GABRB1: variants seen among roughly 807,000 people sequenced by gnomAD.
GABRB1 encodes the protein gamma-aminobutyric acid type A receptor subunit beta1, also known as gamma-aminobutyric acid receptor subunit beta-1.
GABRB1 carries 17 observed loss-of-function variants against 51.6 expected under a neutral mutation model. The observed-to-expected ratio is 0.33, with a 90% confidence interval of 0.23 to 0.49. GABRB1 has a LOEUF of 0.49. Ranked by LOEUF, GABRB1 falls within the 20% of genes least tolerant of loss-of-function variation. The pLI, the probability that GABRB1 is intolerant of heterozygous loss-of-function variation, is 0.99. For synonymous variants in GABRB1, 247 were observed against 218.9 expected (o/e 1.13, Z -1.14); for missense variants, 410 against 600.6 (o/e 0.68, Z 3.32).
chr4:47,054,398 A>G lies in GABRB1; in HGVS notation c.240+21914A>G, dbSNP rs1467585498. On this transcript the variant is annotated intron_variant, in intron 3 of 8. Transcript: ENST00000295454. The stretch of plus-strand genomic sequence containing the variant: ...TTCTAAAAGTCACTTGAACTCTCTT[A>G]GACTCACTTCTTTTTTTCATGTAAT... Among the ~76,000 whole-genome samples the G allele has an allele frequency of 2.6e-5, 4 of 152,144 alleles. No homozygotes were observed. The East Asian group carries it at 7.7e-4, about 29-fold the overall frequency.
intron 5 of GABRB1, among the ~76,000 whole-genome samples, chr4:47,334,078 C>T (rs1230824381): frequency 3.9e-5 from 6 of 152,122 alleles, no homozygotes; most frequent in Non-Finnish European, 8.8e-5. Flanking sequence ...CAGTGCTTGT[C>T]GAACATTCAG....
At chr4:47,140,111 C>T (rs1320576659) in intron 3 of GABRB1, among the ~76,000 whole-genome samples, 2 of 149,980 alleles carry the variant, frequency 1.3e-5, no homozygotes, top group Non-Finnish European at 3.0e-5. Flanking sequence ...CACACACACA[C>T]ACACACACAC....
intron 3 of GABRB1, among the ~76,000 whole-genome samples, chr4:47,133,492 T>C (rs1716511562): frequency 6.6e-6 from 1 of 152,182 alleles, no homozygotes; most frequent in Non-Finnish European, 1.5e-5. Context: ...TGTGCAAAGT[T>C]CCAGTCAGCT....
intron 3 of GABRB1, among the ~76,000 whole-genome samples, chr4:47,130,886 T>C (rs560538280): frequency 2.6e-5 from 4 of 152,260 alleles, no homozygotes; most frequent in African/African-American, 9.6e-5. Context: ...TCAAGAAAGC[T>C]GGTTACAAAG....
chr4:47,353,191 C>T (rs1284627415), intron 5 of GABRB1, among the ~76,000 whole-genome samples: 2 of 152,176 alleles, frequency 1.3e-5, no homozygotes, highest in East Asian at 1.9e-4. Flanking sequence ...CTGGATCCCT[C>T]CCACAACACA....
intron 4 of GABRB1, among the ~76,000 whole-genome samples, chr4:47,199,580 C>A (rs1331890467): frequency 6.6e-6 from 1 of 151,952 alleles, no homozygotes; most frequent in African/African-American, 2.4e-5. Context: ...AGACAGAGGA[C>A]AAAATGAAAG....
At chr4:47,166,560 GTTGCTGTTTACATTA>G (rs1718195944) in intron 4 of GABRB1, among the ~76,000 whole-genome samples, 3 of 152,070 alleles carry the variant, frequency 2.0e-5, no homozygotes, top group African/African-American at 7.2e-5. Context: ...TTATGTGTTT[GTTGCTGTTTACATTA>G]TTAGTAAGTC....
At chr4:47,016,853 G>A (rs1724763224) in intron 1 of GABRB1, among the ~76,000 whole-genome samples, 1 of 152,144 alleles carries the variant, frequency 6.6e-6, no homozygotes. Context: ...GTCTCCCAAA[G>A]TGCTGGGATT....
intron 4 of GABRB1, among the ~76,000 whole-genome samples, chr4:47,284,155 T>G (rs1043449641): frequency 6.7e-6 from 1 of 148,688 alleles, no homozygotes; most frequent in African/African-American, 2.5e-5. Flanking sequence ...TCAGGGCAGC[T>G]CAGAGCAAGG....
At chr4:47,062,928 C>G (rs1447652710) in intron 3 of GABRB1, among the ~76,000 whole-genome samples, 1 of 152,196 alleles carries the variant, frequency 6.6e-6, no homozygotes, top group Non-Finnish European at 1.5e-5. Flanking sequence ...TGAATCATAA[C>G]ATCTAACTAG....
chr4:47,258,569 T>C (rs1356638568), intron 4 of GABRB1, among the ~76,000 whole-genome samples: 1 of 152,162 alleles, frequency 6.6e-6, no homozygotes, highest in Non-Finnish European at 1.5e-5. Context: ...ACAGTTTTTG[T>C]AGGAAAATTG....
At chr4:47,200,811 C>A (rs1719869338) in intron 4 of GABRB1, among the ~76,000 whole-genome samples, 1 of 152,142 alleles carries the variant, frequency 6.6e-6, no homozygotes, top group Non-Finnish European at 1.5e-5. Flanking sequence ...AGAAAGTCAG[C>A]TCTAGGACCT....
intron 4 of GABRB1, among the ~76,000 whole-genome samples, chr4:47,238,175 G>T (rs1305334530): frequency 6.6e-6 from 1 of 151,810 alleles, no homozygotes. Context: ...TTTTTGTAAG[G>T]CACATTGCAG....
intron 5 of GABRB1, among the ~76,000 whole-genome samples, chr4:47,341,135 C>A (rs1040958631): frequency 3.3e-5 from 5 of 152,148 alleles, no homozygotes; most frequent in Non-Finnish European, 5.9e-5. Flanking sequence ...ATTCTCAACT[C>A]CATGAAATTT....
intron 3 of GABRB1, among the ~76,000 whole-genome samples, chr4:47,039,242 T>C (rs1369690880): frequency 6.6e-6 from 1 of 151,518 alleles, no homozygotes; most frequent in Admixed American, 6.6e-5. Context: ...AGTGAACCAA[T>C]GTATCTTTCC....
intron 4 of GABRB1, among the ~76,000 whole-genome samples, chr4:47,270,141 A>T (rs1449961188): frequency 1.3e-5 from 2 of 152,196 alleles, no homozygotes; most frequent in Non-Finnish European, 2.9e-5. Context: ...GCTGTTACAG[A>T]TAAATAATAG....
chr4:47,132,951 T>C (rs1716488592), intron 3 of GABRB1, among the ~76,000 whole-genome samples: 1 of 152,224 alleles, frequency 6.6e-6, no homozygotes, highest in South Asian at 2.1e-4. Context: ...GCTCAAATGC[T>C]ACTCTACCAA....
chr4:47,339,584 A>G (rs1161476379), intron 5 of GABRB1, among the ~76,000 whole-genome samples: 3 of 148,664 alleles, frequency 2.0e-5, no homozygotes, highest in East Asian at 2.2e-4. Flanking sequence ...GCTTTTATAC[A>G]TATTTTTTAG....
chr4:47,072,778 T>C (rs1435182990), intron 3 of GABRB1, among the ~76,000 whole-genome samples: 1 of 152,158 alleles, frequency 6.6e-6, no homozygotes, highest in Non-Finnish European at 1.5e-5. Context: ...GTTGCGATGG[T>C]TTTCTTGAAA....
Sources: allele counts gnomAD v4.1 joint callset (sites outside exome capture counted in the v4.1 genomes callset), GRCh38; gene constraint gnomAD v4.1.1; transcripts MANE v1.5; gene names NCBI Gene and HGNC (gene_info 2026-07-23, HGNC 2026-07-21).